C11orf65: variants seen among roughly 807,000 people sequenced by gnomAD.
C11orf65 encodes protein MFI.
In C11orf65, 38 loss-of-function variants were observed where a neutral mutation model predicts 35.3. The ratio of observed to expected loss-of-function variants is 1.08; its 90% CI spans 0.83 to 1.41. C11orf65 has a LOEUF of 1.41. C11orf65 is among the 40% of genes most tolerant of loss of function. The pLI is 0.00. For synonymous variants in C11orf65, 105 were observed against 114.4 expected (o/e 0.92, Z 0.53); for missense variants, 370 against 367.1 (o/e 1.01, Z -0.06).
intron 2 of C11orf65, among the ~76,000 whole-genome samples, chr11:108,456,635 A>G (rs2093413968): frequency 2.0e-5 from 3 of 151,848 alleles, no homozygotes; most frequent in African/African-American, 7.3e-5. Context: ...TTAAAAAATT[A>G]GCCAGGCATG....
chr11:108,339,913 CAGAA>C (rs1344518979), intron 2 of C11orf65, among the ~76,000 whole-genome samples: 5 of 152,076 alleles, frequency 3.3e-5, no homozygotes, highest in Admixed American at 3.3e-4. Flanking sequence ...GAAGGGAAAT[CAGAA>C]AGGCCATGAG....
intron 2 of C11orf65, among the ~76,000 whole-genome samples, chr11:108,337,864 T>C (rs536475395): frequency 6.6e-6 from 1 of 152,342 alleles, no homozygotes; most frequent in South Asian, 2.1e-4. Context: ...TCCTGAACTC[T>C]CAGAAAGTAG....
intron 1 of C11orf65, 106 bp from the exon 2 acceptor site, chr11:108,461,674 C>T (rs973092753): frequency 2.7e-6 from 2 of 741,006 alleles, no homozygotes; most frequent in Admixed American, 2.8e-5. Context: ...GTCACCCAAG[C>T]TGGAGTGCAG....
At chr11:108,443,390 C>T (rs2135537391) in intron 2 of C11orf65, among the ~76,000 whole-genome samples, 1 of 152,160 alleles carries the variant, frequency 6.6e-6, no homozygotes, top group African/African-American at 2.4e-5. Flanking sequence ...ACTTTAACAC[C>T]CCACTGTCAA....
intron 6 of C11orf65, among the ~76,000 whole-genome samples, chr11:108,315,636 C>T (rs2084560789): frequency 6.6e-6 from 1 of 152,064 alleles, no homozygotes; most frequent in South Asian, 2.1e-4. Context: ...AGTTGTCCTG[C>T]ACAGTTCAAA....
chr11:108,338,115 G>A (rs1284923432), intron 2 of C11orf65, among the ~76,000 whole-genome samples: 3 of 152,244 alleles, frequency 2.0e-5, no homozygotes, highest in African/African-American at 7.2e-5. Flanking sequence ...TCAGGAGGCC[G>A]AGGTGGGCGG....
intron 2 of C11orf65, among the ~76,000 whole-genome samples, chr11:108,361,569 A>C (rs923326520): frequency 2.0e-5 from 3 of 152,076 alleles, no homozygotes; most frequent in Non-Finnish European, 4.4e-5. Context: ...TACAGTAACC[A>C]AAACAACATG....
At chr11:108,375,699 TAA>T (rs1194084634) in intron 2 of C11orf65, among the ~76,000 whole-genome samples, 1 of 152,062 alleles carries the variant, frequency 6.6e-6, no homozygotes, top group Non-Finnish European at 1.5e-5. Flanking sequence ...GCAAATTGGA[TAA>T]AGAGTCAAGA....
chr11:108,367,526 A>G (rs1169619759), intron 2 of C11orf65: 1 of 204,532 alleles, frequency 4.9e-6, no homozygotes, highest in Admixed American at 6.0e-5. Context: ...TGACTCGTGT[A>G]TTAGTGAGTA....
At chr11:108,387,155 T>C (rs1045177266) in intron 7 of C11orf65, among the ~76,000 whole-genome samples, 1 of 131,184 alleles carries the variant, frequency 7.6e-6, no homozygotes, top group African/African-American at 3.1e-5. Flanking sequence ...TTTCTTTTTT[T>C]TTTTTTTTTT....
Position 108,461,893 on chromosome 11 carries a change from T to C in C11orf65, c.-9-325A>G, listed in dbSNP as rs1014805108. On this transcript the variant is annotated intron_variant, in intron 1 of 8. Transcript: ENST00000393084. ...GGCTTGGCCTCCCAAAGTGCTGGGA[T>C]TGTAAGCGTGAGCCACCGCGCCCAG... Among the ~76,000 whole-genome samples, 5 of 152,050 alleles carry C rather than the reference T, an allele frequency of 3.3e-5. 1 individual carries two copies. The highest frequency in any genetic ancestry group is 7.4e-5 in the Non-Finnish European group (5 of 68,012).
chr11:108,454,011 G>C (rs1396148199), intron 2 of C11orf65, among the ~76,000 whole-genome samples: 1 of 152,174 alleles, frequency 6.6e-6, no homozygotes, highest in Non-Finnish European at 1.5e-5. Flanking sequence ...GAATTCAACA[G>C]CAAGGTCATC....
In C11orf65 at chr11:108,447,722, C is replaced by G. The variant is rs1001259301; in HGVS notation, c.81+13757G>C. Among the ~76,000 whole-genome samples the G allele has an allele frequency of 2.7e-3, 417 of 151,822 alleles. 3 individuals carry two copies. The highest frequency in any genetic ancestry group is 9.1e-3 in the African/African-American group (377 of 41,414). On this transcript the variant is annotated intron_variant, in intron 2 of 8. Transcript: ENST00000393084. ...TGACACCCTAACATCACAATTAAAACAACTAGAAAAGCAAGAGCAAACACA... is the reference window on the plus strand; with the variant it reads ...TGACACCCTAACATCACAATTAAAAGAACTAGAAAAGCAAGAGCAAACACA...
chr11:108,455,179 A>C (rs573778043), intron 2 of C11orf65, among the ~76,000 whole-genome samples: 11 of 152,252 alleles, frequency 7.2e-5, no homozygotes, highest in South Asian at 2.1e-4. Context: ...TTTCTTCTCT[A>C]AGATCAGGAA....
intron 3 of C11orf65, chr11:108,331,762 C>T (rs1229742663): frequency 1.3e-5 from 18 of 1,336,686 alleles, no homozygotes; most frequent in Admixed American, 8.0e-5. Context: ...CAGGCATACA[C>T]GCTCTACCCA....
At chr11:108,391,324 T>G (rs1049816322) in intron 7 of C11orf65, among the ~76,000 whole-genome samples, 1 of 152,252 alleles carries the variant, frequency 6.6e-6, no homozygotes, top group African/African-American at 2.4e-5. Flanking sequence ...TAAAGTATAG[T>G]ATCCAGTGGC....
downstream of C11orf65, chr11:108,327,415 A>C: frequency 2.1e-6 from 1 of 476,942 alleles, no homozygotes; most frequent in Non-Finnish European, 3.8e-6. Flanking sequence ...AGTACTCAAT[A>C]AATGTGACTT....
At chr11:108,368,288 C>CA (rs765253087) in intron 2 of C11orf65, 5,618 of 96,884 alleles carry the variant, frequency 0.058, 109 homozygotes, top group African/African-American at 0.14. Flanking sequence ...GACTCTGCCT[C>CA]AAAAAAAAAA....
rs183548810 is a variant in C11orf65, at chr11:108,343,511, T to C, written c.227-8219A>G. On this transcript the variant is annotated intron_variant, in intron 2 of 3. Coordinates refer to the C11orf65 transcript ENST00000524755. ...CAAAGATACTAAGTAAAAGAAAAACTCATCAGAATGAAAGTGTGTGAGTGA... is the reference window on the plus strand; with the variant it reads ...CAAAGATACTAAGTAAAAGAAAAACCCATCAGAATGAAAGTGTGTGAGTGA... The C allele has an allele frequency of 9.9e-6, 10 of 1,009,188 alleles. No homozygotes were observed. The East Asian group carries it at 1.8e-4, about 18-fold the overall frequency. 62.5% of individuals were successfully genotyped at this position (1,009,188 alleles called of 1,614,324 possible). A position where few individuals can be genotyped will look rare whatever the true frequency, so the allele number is the denominator to read the frequency against.
Sources: gnomAD v4.1 joint callset for allele counts (sites outside exome capture counted in the v4.1 genomes callset) on GRCh38, gnomAD v4.1.1 for gene constraint, MANE v1.5 for transcripts, NCBI Gene and HGNC (gene_info 2026-07-23, HGNC 2026-07-21) for gene names.